RDX: variants seen among roughly 807,000 people sequenced by gnomAD.
RDX encodes deafness, autosomal recessive 24.
A neutral mutation model predicts 83.7 loss-of-function variants in RDX; 32 were observed. The ratio of observed to expected loss-of-function variants is 0.38; its 90% CI spans 0.29 to 0.51. The LOEUF is 0.51. Among genes scored for constraint, RDX ranks in the 20% least tolerant of loss-of-function variants. The pLI is 0.87. For synonymous variants in RDX, 229 were observed against 222.7 expected (o/e 1.03, Z -0.25); for missense variants, 600 against 689.9 (o/e 0.87, Z 1.46).
intron 1 of RDX, among the ~76,000 whole-genome samples, chr11:110,281,900 A>T (rs1051380365): frequency 2.1e-4 from 30 of 144,742 alleles, no homozygotes; most frequent in African/African-American, 7.6e-5. Context: ...CAGGAGTTTG[A>T]GACCAGCCTA....
At chr11:110,290,570 A>T (rs1238002264) in intron 1 of RDX, among the ~76,000 whole-genome samples, 2 of 152,084 alleles carry the variant, frequency 1.3e-5, no homozygotes, top group East Asian at 3.9e-4. Context: ...CTATCTGCCC[A>T]TTAGAGTGAG....
At chr11:110,278,779 A>G (rs906914698) in intron 2 of RDX, among the ~76,000 whole-genome samples, 1 of 150,536 alleles carries the variant, frequency 6.6e-6, no homozygotes, top group Non-Finnish European at 1.5e-5. Context: ...GTCATTCTGA[A>G]GTGTTATCCG....
intron 1 of RDX, among the ~76,000 whole-genome samples, chr11:110,286,626 T>C (rs1860990566): frequency 6.6e-6 from 1 of 152,240 alleles, no homozygotes; most frequent in Non-Finnish European, 1.5e-5. Context: ...TCCCTAAGCC[T>C]AATTTTAATT....
intron 15 of RDX, among the ~76,000 whole-genome samples, chr11:110,197,873 A>G (rs1863257453): frequency 6.6e-6 from 1 of 152,346 alleles, no homozygotes; most frequent in East Asian, 1.9e-4. Flanking sequence ...AAAGAGAGTG[A>G]GAGCAAATGA....
downstream of RDX, among the ~76,000 whole-genome samples, chr11:110,227,348 T>C (rs1864468143): frequency 6.6e-6 from 1 of 152,178 alleles, no homozygotes. Context: ...CATTTGGCTA[T>C]ACTGATTTAG....
At chr11:110,241,299 TTTC>T (rs1865090144) in intron 10 of RDX, among the ~76,000 whole-genome samples, 1 of 152,050 alleles carries the variant, frequency 6.6e-6, no homozygotes, top group South Asian at 2.1e-4. Context: ...TTTCTTTCTT[TTTC>T]TTTTTTTTAT....
chr11:110,182,772 G>C (rs139924113), intron 15 of RDX, among the ~76,000 whole-genome samples: 1 of 152,306 alleles, frequency 6.6e-6, no homozygotes, highest in East Asian at 1.9e-4. Flanking sequence ...CAGGTGAGCA[G>C]GCTGTCCGGG....
chr11:110,291,966 G>T (rs900967415), intron 1 of RDX, among the ~76,000 whole-genome samples: 1 of 151,078 alleles, frequency 6.6e-6, no homozygotes, highest in Non-Finnish European at 1.5e-5. Context: ...GGCAACATAG[G>T]GATACCCCGT....
intron 15 of RDX, among the ~76,000 whole-genome samples, chr11:110,197,560 G>T (rs1032507628): frequency 6.6e-6 from 1 of 152,062 alleles, no homozygotes; most frequent in Non-Finnish European, 1.5e-5. Flanking sequence ...TACTTCTGAC[G>T]ACAATAGCTC....
chr11:110,251,114 A>C (rs1199583556), intron 9 of RDX, among the ~76,000 whole-genome samples: 1 of 152,156 alleles, frequency 6.6e-6, no homozygotes, highest in African/African-American at 2.4e-5. Context: ...TTCCTCATGA[A>C]GTCTTTTGTG....
At chr11:110,291,547 T>C (rs1288613546) in intron 1 of RDX, among the ~76,000 whole-genome samples, 1 of 152,074 alleles carries the variant, frequency 6.6e-6, no homozygotes, top group Non-Finnish European at 1.5e-5. Flanking sequence ...TTCCTTTGGA[T>C]ACTGCCCTGT....
chr11:110,190,362 G>A (rs142071499), intron 15 of RDX, among the ~76,000 whole-genome samples: 2,584 of 152,230 alleles, frequency 0.017, 89 homozygotes, highest in African/African-American at 0.057. Flanking sequence ...GCTTGAACCC[G>A]GGAAGCAGAG....
chr11:110,239,795 C>T (rs1591139814), intron 10 of RDX, among the ~76,000 whole-genome samples: 1 of 150,720 alleles, frequency 6.6e-6, no homozygotes. Flanking sequence ...ATCACTTGAA[C>T]CCGGGAGGTG....
At chr11:110,238,922 CT>C in intron 10 of RDX, among the ~76,000 whole-genome samples, 1 of 111,854 alleles carries the variant, frequency 8.9e-6, no homozygotes, top group African/African-American at 3.6e-5. Flanking sequence ...AAGACTCTGT[CT>C]CAAAAAAAAA....
intron 3 of RDX, among the ~76,000 whole-genome samples, chr11:110,268,344 T>C (rs1342461818): frequency 1.4e-5 from 2 of 147,990 alleles, no homozygotes; most frequent in African/African-American, 5.0e-5. Flanking sequence ...AAGTGAGAAA[T>C]TTCTAGAAGA....
chr11:110,228,365 G>A (rs143500914), downstream of RDX, among the ~76,000 whole-genome samples: 410 of 152,058 alleles, frequency 2.7e-3, no homozygotes, highest in Middle Eastern at 0.024. Flanking sequence ...TATTTGATAG[G>A]TTAAAAAAAT....
At chr11:110,235,988 A>T (rs1864831886) in intron 12 of RDX, 111 bp downstream of exon 12, 1 of 796,312 alleles carries the variant, frequency 1.3e-6, no homozygotes, top group East Asian at 2.6e-5. Context: ...TAACACGAGT[A>T]TCTTTCCCAC....
rs1332490248 is a variant in RDX at position 110,199,626 on chromosome 11, T to TC, written c.1800_1801insG (p.Ile601AspfsTer32). 1 of 702,960 alleles carries TC rather than the reference T, an allele frequency of 1.4e-6. No homozygotes were observed. The highest frequency in any genetic ancestry group is 2.6e-6 in the Non-Finnish European group (1 of 385,024). 43.5% of individuals were successfully genotyped at this position (702,960 alleles called of 1,614,324 possible). A position where few individuals can be genotyped will look rare whatever the true frequency, so the allele number is the denominator to read the frequency against. On this transcript the variant is annotated frameshift_variant, in exon 15 of 16. Coordinates refer to the RDX transcript ENST00000528498. LOFTEE classifies it high-confidence loss of function. The stretch of plus-strand genomic sequence containing the variant: ...CTTCCTAAGGGTTACATTTGCTTTA[T>TC]GCTGCTTTGGCAAGAGCGCATCTGG...
intron 15 of RDX, among the ~76,000 whole-genome samples, chr11:110,189,857 G>C (rs940661380): frequency 6.6e-6 from 1 of 152,190 alleles, no homozygotes. Context: ...GCCGAGGTGG[G>C]CAGATCACCT....
Sources: allele counts gnomAD v4.1 joint callset (sites outside exome capture counted in the v4.1 genomes callset), GRCh38; gene constraint gnomAD v4.1.1; transcripts MANE v1.5; gene names NCBI Gene and HGNC (gene_info 2026-07-23, HGNC 2026-07-21).